The following PRR16 variants were observed in gnomAD, a reference collection of about 807,000 sequenced individuals.
The protein encoded by PRR16 is protein Largen.
Under a neutral mutation model 18.2 loss-of-function variants are expected in PRR16, and 6 were observed. The ratio of observed to expected loss-of-function variants is 0.33; its 90% CI spans 0.18 to 0.65. The LOEUF (loss-of-function observed/expected upper bound fraction) is 0.65. PRR16 is among the 30% of genes least tolerant of loss of function. PRR16 has a pLI of 0.74. For synonymous variants in PRR16, 151 were observed against 147.8 expected (o/e 1.02, Z -0.16); for missense variants, 412 against 376.6 (o/e 1.09, Z -0.78).
chr5:120,650,116 G>A (rs1036783035), intron 1 of PRR16, among the ~76,000 whole-genome samples: 1 of 151,608 alleles, frequency 6.6e-6, no homozygotes, highest in African/African-American at 2.4e-5. Flanking sequence ...TACTCAGGAG[G>A]CTGAGGCAGG....
At chr5:120,508,640 A>T (rs1212642436) in intron 1 of PRR16, among the ~76,000 whole-genome samples, 1 of 152,122 alleles carries the variant, frequency 6.6e-6, no homozygotes, top group Admixed American at 6.6e-5. Context: ...TCTCCAGTAT[A>T]TCCAGAATAT....
At chr5:120,504,184 T>A (rs994341871) in intron 1 of PRR16, among the ~76,000 whole-genome samples, 12 of 152,164 alleles carry the variant, frequency 7.9e-5, no homozygotes, top group African/African-American at 2.9e-4. Context: ...CTCCCGATAT[T>A]TGGCAGAGGT....
At position 120,526,545 on chromosome 5, in the gene PRR16, T is replaced by C. The variant is rs570748126; in HGVS notation, c.159+61900T>C. ...GTTATAGTGTATTACTGAGCTCAAC[T>C]GTGTGTCCAACCCTGGGTACGGAAC... On this transcript the variant is annotated intron_variant, in intron 1 of 1. Transcript: ENST00000407149. 9.2e-5 allele frequency among the ~76,000 whole-genome samples: 14 copies of C among 152,228 alleles called. No homozygotes were observed. The South Asian group carries it at 2.9e-3, about 32-fold the overall frequency.
the PRR16 span, among the ~76,000 whole-genome samples, chr5:120,693,262 G>A: frequency 6.6e-6 from 1 of 152,016 alleles, no homozygotes; most frequent in Non-Finnish European, 1.5e-5. Context: ...TTTGAGATTT[G>A]GTTTAAAACG....
chr5:120,475,437 CT>C (rs774146976), intron 1 of PRR16, among the ~76,000 whole-genome samples: 3 of 151,914 alleles, frequency 2.0e-5, no homozygotes, highest in Non-Finnish European at 4.4e-5. Context: ...CTGCCTTTTG[CT>C]TCCTTATCCT....
intron 1 of PRR16, among the ~76,000 whole-genome samples, chr5:120,621,134 C>A (rs1047677284): frequency 6.6e-6 from 1 of 152,122 alleles, no homozygotes; most frequent in African/African-American, 2.4e-5. Context: ...TTTCAGTCCT[C>A]ATCTTTTAAT....
At chr5:120,630,592 C>T (rs1755019742) in intron 1 of PRR16, among the ~76,000 whole-genome samples, 2 of 151,376 alleles carry the variant, frequency 1.3e-5, no homozygotes, top group Admixed American at 6.6e-5. Flanking sequence ...TTTTTTCATG[C>T]ACCCAGAATA....
chr5:120,709,467 A>T, the PRR16 span, among the ~76,000 whole-genome samples: 1 of 152,146 alleles, frequency 6.6e-6, no homozygotes, highest in Non-Finnish European at 1.5e-5. Context: ...CATCATCTCA[A>T]ATATTTATCA....
At chr5:120,719,585 A>C in the PRR16 span, among the ~76,000 whole-genome samples, 6 of 152,214 alleles carry the variant, frequency 3.9e-5, no homozygotes, top group South Asian at 1.2e-3. Flanking sequence ...TTTGAATAGT[A>C]CGATGATTTG....
intron 1 of PRR16, among the ~76,000 whole-genome samples, chr5:120,467,456 G>T (rs147144999): frequency 0.012 from 1,835 of 151,860 alleles, 15 homozygotes; most frequent in Middle Eastern, 0.11. Flanking sequence ...CTTTAATTCT[G>T]TTCTTTGTTT....
intron 1 of PRR16, among the ~76,000 whole-genome samples, chr5:120,654,335 TG>T (rs1755893589): frequency 6.6e-6 from 1 of 152,034 alleles, no homozygotes; most frequent in African/African-American, 2.4e-5. Flanking sequence ...CTAATTTTTT[TG>T]TTTCTACCCC....
chr5:120,693,323 T>C, the PRR16 span, among the ~76,000 whole-genome samples: 1 of 152,200 alleles, frequency 6.6e-6, no homozygotes, highest in African/African-American at 2.4e-5. Flanking sequence ...AGTCATTAAG[T>C]ATGTATCCTG....
intron 1 of PRR16, among the ~76,000 whole-genome samples, chr5:120,470,964 A>G (rs1749249946): frequency 6.6e-6 from 1 of 152,070 alleles, no homozygotes; most frequent in Non-Finnish European, 1.5e-5. Flanking sequence ...AAAATTCTCA[A>G]TTCATATTGC....
the PRR16 span, among the ~76,000 whole-genome samples, chr5:120,717,759 G>T: frequency 2.9e-4 from 44 of 152,224 alleles, no homozygotes; most frequent in African/African-American, 1.1e-3. Flanking sequence ...TTATAAATCA[G>T]TGTTTGAAAA....
chr5:120,668,038 A>G (rs1326781223), intron 1 of PRR16, among the ~76,000 whole-genome samples: 5 of 152,164 alleles, frequency 3.3e-5, no homozygotes, highest in Non-Finnish European at 5.9e-5. Context: ...GGATCTGTCT[A>G]ATGTTGACAG....
the PRR16 span, among the ~76,000 whole-genome samples, chr5:120,705,233 A>G: frequency 6.6e-6 from 1 of 152,126 alleles, no homozygotes; most frequent in African/African-American, 2.4e-5. Flanking sequence ...TGTTAATTAT[A>G]TGAAAATTAT....
chr5:120,528,155 C>G (rs766660099), intron 1 of PRR16, among the ~76,000 whole-genome samples: 1 of 152,218 alleles, frequency 6.6e-6, no homozygotes, highest in African/African-American at 2.4e-5. Context: ...TTGCCTGATG[C>G]TGTGGCACAT....
At chr5:120,786,986 T>C in the PRR16 span, among the ~76,000 whole-genome samples, 1 of 152,254 alleles carries the variant, frequency 6.6e-6, no homozygotes, top group South Asian at 2.1e-4. Flanking sequence ...GTAAAACTTA[T>C]ATGGTTTTAA....
chr5:120,749,991 T>A, the PRR16 span, among the ~76,000 whole-genome samples: 1 of 152,188 alleles, frequency 6.6e-6, no homozygotes, highest in African/African-American at 2.4e-5. Flanking sequence ...TAATGAAGAT[T>A]AGAATATGTT....
Sources: allele counts gnomAD v4.1 joint callset (sites outside exome capture counted in the v4.1 genomes callset), GRCh38; gene constraint gnomAD v4.1.1; transcripts MANE v1.5; gene names NCBI Gene and HGNC (gene_info 2026-07-23, HGNC 2026-07-21).